The following FRMD4A variants were observed in gnomAD, a reference collection of about 807,000 sequenced individuals.
FRMD4A encodes FERM domain-containing protein 4A.
Under a neutral mutation model 129.1 loss-of-function variants are expected in FRMD4A, and 29 were observed. The ratio of observed to expected loss-of-function variants is 0.22; its 90% CI spans 0.17 to 0.31. The LOEUF (loss-of-function observed/expected upper bound fraction) is 0.31. Ranked by LOEUF, FRMD4A falls within the 10% of genes least tolerant of loss-of-function variation. FRMD4A has a pLI of 1.00. For synonymous variants in FRMD4A, 634 were observed against 571.6 expected, an observed-to-expected ratio of 1.11 and a Z score of -1.56; for missense variants, 1,272 against 1,375.8, an observed-to-expected ratio of 0.92 and a Z score of 1.19.
chr10:13,767,529 G>A (rs2092325021), intron 6 of FRMD4A, among the ~76,000 whole-genome samples: 1 of 152,146 alleles, frequency 6.6e-6, no homozygotes, highest in Admixed American at 6.5e-5. Context: ...ATGAGCCTCC[G>A]TGCCCGGCCA....
intron 2 of FRMD4A, among the ~76,000 whole-genome samples, chr10:14,228,154 G>GT: frequency 6.6e-6 from 1 of 152,292 alleles, no homozygotes; most frequent in South Asian, 2.1e-4. Context: ...TTACAGGTGT[G>GT]AGCCACCGCA....
At chr10:13,956,175 CAG>C (rs1263294997) in intron 2 of FRMD4A, among the ~76,000 whole-genome samples, 10 of 151,952 alleles carry the variant, frequency 6.6e-5, no homozygotes, top group Non-Finnish European at 1.5e-4. Context: ...TTTTTTTAGA[CAG>C]AGTCTCACTC....
chr10:14,292,724 C>T (rs1013730082), intron 2 of FRMD4A, among the ~76,000 whole-genome samples: 16 of 151,980 alleles, frequency 1.1e-4, no homozygotes, highest in East Asian at 1.9e-4. Flanking sequence ...GGTATGAACT[C>T]GGGAGGTGGA....
intron 2 of FRMD4A, among the ~76,000 whole-genome samples, chr10:14,304,891 G>T (rs930910577): frequency 6.6e-6 from 1 of 152,210 alleles, no homozygotes; most frequent in African/African-American, 2.4e-5. Flanking sequence ...TAACTCTGAA[G>T]TGTGTTCTAG....
chr10:13,707,019 A>T lies in FRMD4A; in HGVS notation c.836+18T>A. The T allele has an allele frequency of 7.3e-7, 1 of 1,368,910 alleles. No homozygotes were observed. The highest frequency in any genetic ancestry group is 1.0e-6 in the Non-Finnish European group (1 of 956,248). The allele number at this position is 1,368,910 out of a possible 1,614,324, so 84.8% of individuals were successfully genotyped here. On this transcript the variant is annotated intron_variant, in intron 13 of 24. Coordinates refer to ENST00000357447, the MANE Select transcript of FRMD4A (RefSeq NM_018027.5). ...GAGAGCCACGCCATCCCGCAAGAAA[A>T]GGACTTTTCAAGCTTACCTGCGTGG... is the stretch of plus-strand genomic sequence containing the variant.
intron 5 of FRMD4A, among the ~76,000 whole-genome samples, chr10:13,789,645 A>G (rs1227129538): frequency 6.6e-6 from 1 of 151,000 alleles, no homozygotes; most frequent in Non-Finnish European, 1.5e-5. Context: ...TTCTTGACCT[A>G]TTTCTAAAGC....
chr10:14,107,780 A>C (rs1260982088), intron 2 of FRMD4A, among the ~76,000 whole-genome samples: 1 of 152,152 alleles, frequency 6.6e-6, no homozygotes, highest in Non-Finnish European at 1.5e-5. Flanking sequence ...AGAGTTGCTC[A>C]TTTCTTTTTA....
At chr10:14,068,026 A>G (rs1835144592) in intron 2 of FRMD4A, among the ~76,000 whole-genome samples, 2 of 152,228 alleles carry the variant, frequency 1.3e-5, no homozygotes, top group Admixed American at 1.3e-4. Flanking sequence ...TCAAAATGCC[A>G]TTCTATCTGA....
chr10:14,069,972 A>G (rs531782362), intron 2 of FRMD4A, among the ~76,000 whole-genome samples: 55 of 152,172 alleles, frequency 3.6e-4, no homozygotes, highest in Admixed American at 1.3e-3. Flanking sequence ...TCTGTTCAAC[A>G]CAAATCAATT....
chr10:14,298,829 G>T (rs1846093112), intron 2 of FRMD4A, among the ~76,000 whole-genome samples: 1 of 152,168 alleles, frequency 6.6e-6, no homozygotes. Context: ...TAGGGGAGGA[G>T]GACACTCGAG....
At position 14,092,156 on chromosome 10, in the gene FRMD4A, C is replaced by T. The variant is rs773642549; in HGVS notation, c.46-233244G>A. Among the ~76,000 whole-genome samples, 9 of 150,518 alleles carry T rather than the reference C, an allele frequency of 6.0e-5. No individual in the cohort carries two copies. In the East Asian group the frequency reaches 7.9e-4, roughly 13 times the overall value. The stretch of plus-strand genomic sequence containing the variant: ...TTGAGTGGTCCCAAGCTTCACACTC[C>T]GAGTCAGGCAGGTTTCTTAGGTCTG... On this transcript the variant is annotated intron_variant, in intron 2 of 24. Coordinates refer to ENST00000357447, the MANE Select transcript of FRMD4A (RefSeq NM_018027.5).
chr10:14,144,590 T>C (rs1410960919), intron 2 of FRMD4A, among the ~76,000 whole-genome samples: 2 of 152,164 alleles, frequency 1.3e-5, no homozygotes, highest in Non-Finnish European at 2.9e-5. Flanking sequence ...CTACCTACTG[T>C]CTGTGGCACT....
chr10:13,819,148 AAAC>A (rs1386104256), intron 3 of FRMD4A, among the ~76,000 whole-genome samples: 3 of 117,106 alleles, frequency 2.6e-5, no homozygotes, highest in African/African-American at 8.4e-5. Context: ...AAACAAAACA[AAAC>A]AAAATCCCCA....
intron 2 of FRMD4A, among the ~76,000 whole-genome samples, chr10:13,860,102 CCTT>C (rs1174135715): frequency 6.6e-6 from 1 of 152,194 alleles, no homozygotes; most frequent in Non-Finnish European, 1.5e-5. Context: ...GAAGAACAAG[CCTT>C]CTCATGGATG....
chr10:13,982,874 G>A (rs1193704125), intron 2 of FRMD4A, among the ~76,000 whole-genome samples: 1 of 152,208 alleles, frequency 6.6e-6, no homozygotes, highest in Admixed American at 6.5e-5. Flanking sequence ...GAGGGCAAAG[G>A]CAAAGATTTC....
chr10:13,746,353 G>T (rs1392441957), intron 9 of FRMD4A, among the ~76,000 whole-genome samples: 2 of 152,244 alleles, frequency 1.3e-5, no homozygotes, highest in African/African-American at 4.8e-5. Context: ...TGGGACACCA[G>T]GCGCGCGACA....
intron 2 of FRMD4A, among the ~76,000 whole-genome samples, chr10:14,050,704 G>A (rs1205405016): frequency 6.6e-6 from 1 of 152,062 alleles, no homozygotes; most frequent in East Asian, 1.9e-4. Context: ...AACCAACCAC[G>A]CCTATGTAAT....
At chr10:14,110,609 T>C (rs1436912644) in intron 2 of FRMD4A, among the ~76,000 whole-genome samples, 1 of 151,826 alleles carries the variant, frequency 6.6e-6, no homozygotes, top group African/African-American at 2.4e-5. Context: ...ACCTGAAATA[T>C]ATTAGAGCAG....
intron 2 of FRMD4A, among the ~76,000 whole-genome samples, chr10:14,116,585 G>A (rs755210787): frequency 6.6e-6 from 1 of 152,166 alleles, no homozygotes; most frequent in Non-Finnish European, 1.5e-5. Context: ...CAATCACAGG[G>A]TCTGGGGGCT....
Sources: gnomAD v4.1 joint callset for allele counts (sites outside exome capture counted in the v4.1 genomes callset) on GRCh38, gnomAD v4.1.1 for gene constraint, MANE v1.5 for transcripts, NCBI Gene and HGNC (gene_info 2026-07-23, HGNC 2026-07-21) for gene names.